The following TFAP2B variants were observed in gnomAD, a reference collection of about 807,000 sequenced individuals.
TFAP2B encodes the protein transcription factor AP-2 beta, also known as transcription factor AP-2-beta.
In TFAP2B, 9 loss-of-function variants were observed where a neutral mutation model predicts 44.3. That is an observed-to-expected ratio of 0.20 (90% CI 0.12 to 0.35). The LOEUF (loss-of-function observed/expected upper bound fraction) is 0.35. Ranked by LOEUF, TFAP2B falls within the 10% of genes least tolerant of loss-of-function variation. TFAP2B has a pLI of 1.00. For missense variants in TFAP2B, 509 were observed against 600.0 expected, an observed-to-expected ratio of 0.85 and a Z score of 1.59; for synonymous variants, 270 against 263.8, an observed-to-expected ratio of 1.02 and a Z score of -0.23.
In TFAP2B at chr6:50,831,189, T is replaced by C. The variant is rs117943841; in HGVS notation, c.601+2510T>C. Among the ~76,000 whole-genome samples the C allele has an allele frequency of 7.7e-4, 117 of 152,364 alleles. 1 individual carries two copies. The highest frequency in any genetic ancestry group is 2.5e-3 in the East Asian group (13 of 5,182). ...GGGCTCCCTCTCTTGTTATGTTTGC[T>C]ATCTGGGCTTAGCTGACATTTCTGA... On this transcript the variant is annotated intron_variant, in intron 3 of 6. Coordinates refer to ENST00000393655, the MANE Select transcript of TFAP2B (RefSeq NM_003221.4).
Position 50,818,931 on chromosome 6 carries a change from T to A in TFAP2B, c.40T>A (p.Trp14Arg). Reference protein sequence around the residue: ...PPRDQAAIMLWKLVENVKYED... With the variant: ...PPRDQAAIMLRKLVENVKYED... ...TAGAGACCAGGCTGCCATCATGCTC[T>A]GGAAGCTTGTGGAGAATGTCAAGTA... The change falls in exon 1 of 7, where the codon TGG (tryptophan) becomes AGG (arginine). Residue 14 changes from tryptophan (W) to arginine (R), a missense_variant. By Grantham distance (101) the Trp-to-Arg change is moderately radical. Coordinates refer to ENST00000393655, the MANE Select transcript of TFAP2B (RefSeq NM_003221.4). 6.2e-7 allele frequency: 1 copy of A among 1,614,144 alleles called. No homozygotes were observed.
chr6:50,840,116 C>A (rs779067627), intron 5 of TFAP2B, 40 bp from the exon 6 acceptor site: 1 of 1,612,714 alleles, frequency 6.2e-7, no homozygotes, highest in South Asian at 1.1e-5. Context: ...ATATTTAGGG[C>A]CTGGGTGCTG....
At chr6:50,825,073 CA>C (rs1770465563) in intron 2 of TFAP2B, among the ~76,000 whole-genome samples, 1 of 152,116 alleles carries the variant, frequency 6.6e-6, no homozygotes, top group African/African-American at 2.4e-5. Context: ...AATGTGGTGA[CA>C]GCATCAAATG....
At position 50,846,687 on chromosome 6, in the gene TFAP2B, A is replaced by T. The variant is rs1264759543; in HGVS notation, c.*3295A>T. The T allele has an allele frequency of 6.6e-6, 1 of 152,232 alleles. No homozygotes were observed. The highest frequency in any genetic ancestry group is 1.5e-5 in the Non-Finnish European group (1 of 68,042). 9.4% of individuals were successfully genotyped at this position (152,232 alleles called of 1,614,324 possible). On this transcript the variant is annotated 3_prime_UTR_variant, in exon 7 of 7. Transcript: ENST00000393655. ...ATTGCAGGTCTCTGGGGAGCAAGAA[A>T]TGTCCTGTTTGGGTGAGGATTCCGT...
intron 1 of TFAP2B, among the ~76,000 whole-genome samples, chr6:50,820,391 G>GC (rs3839386): frequency 0.022 from 3,354 of 151,372 alleles, 51 homozygotes; most frequent in South Asian, 0.037. Flanking sequence ...CACACCTCCT[G>GC]CCCCCCCCCG....
intron 1 of TFAP2B, chr6:50,822,125 T>C (rs1770369615): frequency 7.7e-6 from 10 of 1,303,940 alleles, no homozygotes; most frequent in African/African-American, 1.5e-5. Flanking sequence ...ACCAGGCTTT[T>C]TTTTCCAGAT....
intron 5 of TFAP2B, among the ~76,000 whole-genome samples, chr6:50,839,455 T>C (rs1421391928): frequency 6.6e-6 from 1 of 152,234 alleles, no homozygotes; most frequent in African/African-American, 2.4e-5. Flanking sequence ...AGGGTAATAA[T>C]GCTTTACTTG....
rs192171916 is a variant in TFAP2B, at chr6:50,821,864, G to A, written c.82-1543G>A. On this transcript the variant is annotated intron_variant, in intron 1 of 6. Transcript: ENST00000393655. ...CTGAGCCCAGCTTCGGGTGAAAGAGGACTGCATCTGGAGCCCCGAAGAACG... is the reference window on the plus strand; with the variant it reads ...CTGAGCCCAGCTTCGGGTGAAAGAGAACTGCATCTGGAGCCCCGAAGAACG... 11 of 302,916 alleles carry A rather than the reference G, an allele frequency of 3.6e-5. No individual in the cohort carries two copies. In the East Asian group the frequency reaches 9.1e-4, roughly 25 times the overall value. The allele number at this position is 302,916 out of a possible 1,614,324, so 18.8% of individuals were successfully genotyped here. A position where few individuals can be genotyped will look rare whatever the true frequency, so the allele number is the denominator to read the frequency against.
intron 3 of TFAP2B, among the ~76,000 whole-genome samples, chr6:50,831,894 G>C (rs1169397441): frequency 6.6e-6 from 1 of 152,114 alleles, no homozygotes; most frequent in Admixed American, 6.6e-5. Context: ...CATTTTCATT[G>C]GTCTTAGGGA....
At chr6:50,818,666 A>AT (rs1018702494), upstream of TFAP2B, 14 of 545,262 alleles carry the variant, frequency 2.6e-5, no homozygotes, top group Middle Eastern at 4.9e-4. Flanking sequence ...CGGGTTTATG[A>AT]TTTTTATAGT....
intron 3 of TFAP2B, among the ~76,000 whole-genome samples, chr6:50,832,143 G>T (rs909458174): frequency 2.0e-5 from 3 of 152,224 alleles, no homozygotes; most frequent in Non-Finnish European, 4.4e-5. Context: ...TCAAAAGGAA[G>T]AAGTTCCCAT....
chr6:50,819,808 G>GCGAGGCGGACTAGGCGGA (rs544411970), intron 1 of TFAP2B, among the ~76,000 whole-genome samples: 1 of 152,130 alleles, frequency 6.6e-6, no homozygotes, highest in Non-Finnish European at 1.5e-5. Context: ...CTACTCGCGG[G>GCGAGGCGGACTAGGCGGA]CGAGGCGGAC....
intron 3 of TFAP2B, among the ~76,000 whole-genome samples, chr6:50,833,358 G>A (rs187490288): frequency 9.8e-4 from 149 of 152,212 alleles, no homozygotes; most frequent in African/African-American, 3.4e-3. Context: ...AGGAAAGTTG[G>A]GACAAGAAAT....
chr6:50,836,559 C>A (rs1413617018), intron 4 of TFAP2B, among the ~76,000 whole-genome samples: 1 of 152,222 alleles, frequency 6.6e-6, no homozygotes, highest in Non-Finnish European at 1.5e-5. Context: ...GAACCTTTCA[C>A]TTTCCTGGCC....
At chr6:50,820,376 G>T (rs1359969660) in intron 1 of TFAP2B, among the ~76,000 whole-genome samples, 1 of 148,662 alleles carries the variant, frequency 6.7e-6, no homozygotes, top group East Asian at 2.0e-4. Flanking sequence ...GCAGCGCCTG[G>T]CGCCCACACC....
At chr6:50,824,828 T>A (rs1295500229) in intron 2 of TFAP2B, among the ~76,000 whole-genome samples, 1 of 152,256 alleles carries the variant, frequency 6.6e-6, no homozygotes, top group African/African-American at 2.4e-5. Context: ...TCCTAAAAAC[T>A]GTTTGGGTGA....
intron 3 of TFAP2B, among the ~76,000 whole-genome samples, chr6:50,834,193 CA>C (rs999525629): frequency 5.3e-5 from 8 of 152,184 alleles, no homozygotes; most frequent in African/African-American, 1.7e-4. Context: ...ACATCTCACT[CA>C]AATCTGATTA....
intron 6 of TFAP2B, 132 bp from the exon 7 acceptor site, chr6:50,842,958 CAG>C (rs1366797691): frequency 1.4e-5 from 17 of 1,242,016 alleles, no homozygotes; most frequent in South Asian, 8.5e-5. Context: ...GGAAAGGAAA[CAG>C]AGCGGAATCG....
chr6:50,823,668 G>C lies in TFAP2B; in HGVS notation c.343G>C (p.Gly115Arg). 1 of 1,614,020 alleles carries C rather than the reference G, an allele frequency of 6.2e-7. No homozygotes were observed. Among genetic ancestry groups the C allele is most frequent in the Non-Finnish European group, 8.5e-7 (1 of 1,179,958 alleles). ...GGGGCAACGGCAGCGGCAAGAAGTG[G>C]GTTCGGAAGCCGGCTCTCTCCTGCC... ...PWGQRQRQEV[G>R]SEAGSLLPQP... Residue 115 changes from glycine to arginine, a missense_variant, in exon 2 of 7, where the codon GGT (glycine) becomes CGT (arginine). Physicochemically the swap from Gly to Arg is moderately radical, Grantham distance 125. This residue lies in a region of TFAP2B where 296 missense variants were observed against 308.2 expected (regional missense o/e 0.96). Coordinates refer to ENST00000393655, the MANE Select transcript of TFAP2B (RefSeq NM_003221.4).
Sources: allele counts gnomAD v4.1 joint callset (sites outside exome capture counted in the v4.1 genomes callset), GRCh38; gene constraint gnomAD v4.1.1; regional missense constraint gnomAD v4.1.1; transcripts MANE v1.5; gene names NCBI Gene and HGNC (gene_info 2026-07-23, HGNC 2026-07-21).